PDE1C: variants seen among roughly 807,000 people sequenced by gnomAD.
PDE1C encodes phosphodiesterase 1C, also known as dual specificity calcium/calmodulin-dependent 3',5'-cyclic nucleotide phosphodiesterase 1C.
In PDE1C, 62 loss-of-function variants were observed where a neutral mutation model predicts 93.1. That is an observed-to-expected ratio of 0.67 (90% confidence interval 0.54 to 0.82). PDE1C has a LOEUF of 0.82. Among genes scored for constraint, PDE1C ranks in the 40% least tolerant of loss-of-function variants. The pLI is 0.00. For synonymous variants in PDE1C, 325 were observed against 310.1 expected, an observed-to-expected ratio of 1.05 and a Z score of -0.50; for missense variants, 742 against 884.6, an observed-to-expected ratio of 0.84 and a Z score of 2.04.
intron 2 of PDE1C, among the ~76,000 whole-genome samples, chr7:31,906,945 T>G (rs1800668503): frequency 6.6e-6 from 1 of 152,178 alleles, no homozygotes. Context: ...TGCACGTGTG[T>G]ATATACTTTG....
chr7:31,742,259 C>T, the PDE1C span, among the ~76,000 whole-genome samples: 2 of 152,208 alleles, frequency 1.3e-5, no homozygotes, highest in Admixed American at 6.5e-5. Flanking sequence ...TGTGCTCTTC[C>T]GGCACTAACC....
At chr7:31,859,738 C>T (rs958246048) in intron 7 of PDE1C, among the ~76,000 whole-genome samples, 3 of 152,096 alleles carry the variant, frequency 2.0e-5, no homozygotes, top group Non-Finnish European at 4.4e-5. Context: ...TTGGCCATTA[C>T]TTCAGGATGA....
intron 3 of PDE1C, among the ~76,000 whole-genome samples, chr7:32,151,401 A>C (rs1417286379): frequency 6.6e-6 from 1 of 152,222 alleles, no homozygotes; most frequent in Admixed American, 6.5e-5. Flanking sequence ...AATTGTGTGC[A>C]TCTCTTCCCA....
chr7:31,813,217 A>G (rs548567285), intron 15 of PDE1C, among the ~76,000 whole-genome samples: 20 of 152,150 alleles, frequency 1.3e-4, no homozygotes, highest in African/African-American at 4.6e-4. Flanking sequence ...TCCTCTTTTG[A>G]GAGGAGTGAT....
In PDE1C at chr7:32,420,158, CAT is replaced by C. The variant is rs1211782651; in HGVS notation, c.310+7662_310+7663del. ...ACACACACACACACACACACACACA[CAT>C]ATATATGTGTATATATATACACATA... On this transcript the variant is annotated intron_variant, in intron 1 of 1. Coordinates refer to the PDE1C transcript ENST00000672256. Among the ~76,000 whole-genome samples the C allele has an allele frequency of 1.8e-3, 74 of 40,144 alleles. 24 individuals are homozygous for C. The highest frequency in any genetic ancestry group is 5.9e-3 in the African/African-American group (69 of 11,686). The allele number at this position is 40,144 out of a possible 152,430, so 26.3% of individuals were successfully genotyped here.
At chr7:32,284,803 C>G (rs1230416167) in intron 1 of PDE1C, among the ~76,000 whole-genome samples, 1 of 152,024 alleles carries the variant, frequency 6.6e-6, no homozygotes, top group East Asian at 1.9e-4. Flanking sequence ...GAGGCTGAAG[C>G]GGGCAGATCA....
intron 2 of PDE1C, among the ~76,000 whole-genome samples, chr7:32,189,172 T>C (rs2128819401): frequency 6.6e-6 from 1 of 152,264 alleles, no homozygotes; most frequent in South Asian, 2.1e-4. Flanking sequence ...CTCTTTGTCA[T>C]ACATAAAAAG....
At chr7:31,805,988 G>A (rs550983332) in intron 16 of PDE1C, among the ~76,000 whole-genome samples, 1 of 151,806 alleles carries the variant, frequency 6.6e-6, no homozygotes, top group Non-Finnish European at 1.5e-5. Context: ...CAGGTGGGAG[G>A]GTAAATCCAG....
At chr7:31,680,730 T>G in the PDE1C span, among the ~76,000 whole-genome samples, 2 of 151,492 alleles carry the variant, frequency 1.3e-5, no homozygotes, top group Non-Finnish European at 2.9e-5. Context: ...ATGGTCTGAG[T>G]CTCCATTCGA....
chr7:32,228,773 C>A (rs1415948746), intron 1 of PDE1C, among the ~76,000 whole-genome samples: 1 of 152,138 alleles, frequency 6.6e-6, no homozygotes, highest in Non-Finnish European at 1.5e-5. Flanking sequence ...GTGGAGGACT[C>A]CCCAGGGTCA....
chr7:31,951,643 G>A (rs1807395558), intron 2 of PDE1C, among the ~76,000 whole-genome samples: 1 of 152,192 alleles, frequency 6.6e-6, no homozygotes, highest in Non-Finnish European at 1.5e-5. Context: ...ATTGTCAGGG[G>A]CTTCCTTTAT....
chr7:31,765,854 A>G (rs901806873), intron 17 of PDE1C, among the ~76,000 whole-genome samples: 3 of 152,218 alleles, frequency 2.0e-5, no homozygotes, highest in African/African-American at 7.2e-5. Context: ...GGTTACAGTG[A>G]GGACTATTTA....
chr7:31,657,092 TG>T, the PDE1C span, among the ~76,000 whole-genome samples: 1 of 5,072 alleles, frequency 2.0e-4, no homozygotes, highest in Non-Finnish European at 4.2e-4. Flanking sequence ...ATTTTATATA[TG>T]ATATATATAA....
the PDE1C span, among the ~76,000 whole-genome samples, chr7:31,745,483 G>A: frequency 6.6e-6 from 1 of 152,130 alleles, no homozygotes; most frequent in Non-Finnish European, 1.5e-5. Context: ...GTAATTTGTG[G>A]GAGAATGATT....
chr7:32,299,623 ACTGAGG>A (rs899821518), upstream of PDE1C, among the ~76,000 whole-genome samples: 4 of 152,234 alleles, frequency 2.6e-5, no homozygotes, highest in African/African-American at 9.6e-5. Flanking sequence ...AGGGGAGGAA[ACTGAGG>A]CTGCATGGGG....
chr7:32,151,591 T>C (rs1562527410), intron 3 of PDE1C, among the ~76,000 whole-genome samples: 2 of 152,190 alleles, frequency 1.3e-5, no homozygotes, highest in African/African-American at 2.4e-5. Context: ...TGCAACAACA[T>C]AGATGGCTTT....
rs55758052 is a variant in PDE1C, at chr7:32,180,920, C to T, written c.137-10964G>A. Among the ~76,000 whole-genome samples, 6 of 152,068 alleles carry T rather than the reference C, an allele frequency of 3.9e-5. No individual in the cohort carries two copies. In the East Asian group the frequency reaches 5.8e-4, roughly 15 times the overall value. ...ACTGTGTCCCATCTTTTGTTATCTG[C>T]GAGACACAAAGTGTAGGAAATAATT... On this transcript the variant is annotated intron_variant, in intron 2 of 18. Coordinates refer to the PDE1C transcript ENST00000396193.
intron 2 of PDE1C, among the ~76,000 whole-genome samples, chr7:31,899,132 C>CTTTTTTTTT (rs386409838): frequency 1.2e-5 from 1 of 85,018 alleles, no homozygotes; most frequent in African/African-American, 4.3e-5. Flanking sequence ...GGCAGTCCCA[C>CTTTTTTTTT]TTTTTTTTTT....
intron 2 of PDE1C, among the ~76,000 whole-genome samples, chr7:32,179,654 A>G (rs570626142): frequency 1.3e-5 from 2 of 152,324 alleles, no homozygotes; most frequent in South Asian, 4.1e-4. Flanking sequence ...AAGACAAGAA[A>G]GCAAGAAAAT....
Sources: gnomAD v4.1 joint callset for allele counts (sites outside exome capture counted in the v4.1 genomes callset) on GRCh38, gnomAD v4.1.1 for gene constraint, MANE v1.5 for transcripts, NCBI Gene and HGNC (gene_info 2026-07-23, HGNC 2026-07-21) for gene names.